Variants in JMY observed in about 807,000 individuals in gnomAD.
The protein encoded by JMY is junction-mediating and -regulatory protein.
In JMY, 46 loss-of-function variants were observed where a neutral mutation model predicts 103.3. The ratio of observed to expected loss-of-function variants is 0.45; its 90% CI spans 0.35 to 0.57. JMY has a LOEUF of 0.57. JMY is among the 20% of genes least tolerant of loss of function. The probability of loss-of-function intolerance (pLI) is 0.00; values close to 1 mark genes in which losing one functional copy is unlikely to be tolerated. For synonymous variants in JMY, 526 were observed against 489.3 expected, an observed-to-expected ratio of 1.07 and a Z score of -0.99; for missense variants, 1,238 against 1,255.2, an observed-to-expected ratio of 0.99 and a Z score of 0.21.
At chr5:79,285,713 G>A (rs1280642418) in intron 2 of JMY, among the ~76,000 whole-genome samples, 2 of 152,116 alleles carry the variant, frequency 1.3e-5, no homozygotes, top group Non-Finnish European at 2.9e-5. Context: ...GGCAACTCCA[G>A]GGTCTGGAAT....
In JMY at chr5:79,312,363, G is replaced by A. The variant is rs188382085; in HGVS notation, c.1969-40G>A. On this transcript the variant is annotated intron_variant, in intron 7 of 10. Transcript: ENST00000396137. ...TTTTTTCCTATTAATGATAAAAATT[G>A]GGACACAGCATAATGGAATTATTAT... The A allele has an allele frequency of 6.2e-5, 73 of 1,176,432 alleles. 1 individual carries two copies. In the Admixed American group the frequency reaches 7.5e-4, roughly 12 times the overall value. 72.9% of individuals were successfully genotyped at this position (1,176,432 alleles called of 1,614,324 possible). A position where few individuals can be genotyped will look rare whatever the true frequency, so the allele number is the denominator to read the frequency against.
chr5:79,283,178 A>AG (rs978716776), intron 2 of JMY, among the ~76,000 whole-genome samples: 2 of 151,838 alleles, frequency 1.3e-5, no homozygotes, highest in African/African-American at 4.8e-5. Flanking sequence ...TTTTTAGTAG[A>AG]GGGGGGTTTC....
intron 8 of JMY, among the ~76,000 whole-genome samples, chr5:79,313,027 A>G (rs1034022601): frequency 3.3e-5 from 5 of 152,154 alleles, no homozygotes; most frequent in Non-Finnish European, 1.5e-5. Flanking sequence ...TCATTTTTAA[A>G]GTACTCTGGA....
intron 1 of JMY, among the ~76,000 whole-genome samples, chr5:79,255,099 C>T (rs183908603): frequency 1.3e-5 from 2 of 149,268 alleles, no homozygotes; most frequent in African/African-American, 5.0e-5. Context: ...TTTGAATTCT[C>T]TGTCTGAAAG....
chr5:79,239,002 GTGT>G (rs1167018168), intron 1 of JMY, among the ~76,000 whole-genome samples: 1 of 152,120 alleles, frequency 6.6e-6, no homozygotes, highest in Non-Finnish European at 1.5e-5. Flanking sequence ...TCCTAAGATT[GTGT>G]TGTTATCTGC....
At chr5:79,301,014 GC>G in intron 6 of JMY, 151 bp downstream of exon 6, 1 of 617,766 alleles carries the variant, frequency 1.6e-6, no homozygotes, top group East Asian at 3.1e-5. Context: ...TCTGAGAATT[GC>G]CCTCTTAAAC....
Position 79,327,121 on chromosome 5 carries a change from CTTG to C in JMY, c.*5524_*5526del, listed in dbSNP as rs779857654. On this transcript the variant is annotated 3_prime_UTR_variant, in exon 11 of 11. Coordinates refer to ENST00000396137, the MANE Select transcript of JMY (RefSeq NM_152405.5). ...CACCAAGTATTGCAATCACCTTTCT[CTTG>C]TTGTACATGCAATGTAACAACCTAC... is the stretch of plus-strand genomic sequence containing the variant. 4 of 152,176 alleles carry C rather than the reference CTTG, an allele frequency of 2.6e-5. No individual in the cohort carries two copies. In the South Asian group the frequency reaches 6.2e-4, roughly 24 times the overall value. 9.4% of individuals were successfully genotyped at this position (152,176 alleles called of 1,614,324 possible).
At chr5:79,278,183 A>T in intron 2 of JMY, 100 bp downstream of exon 2, 2 of 1,015,248 alleles carry the variant, frequency 2.0e-6, no homozygotes, top group Non-Finnish European at 2.8e-6. Flanking sequence ...AAAAAAAAAA[A>T]AAAAGAAGGT....
intron 1 of JMY, among the ~76,000 whole-genome samples, chr5:79,269,692 C>A (rs1036532773): frequency 2.6e-5 from 4 of 151,822 alleles, no homozygotes; most frequent in Non-Finnish European, 5.9e-5. Flanking sequence ...ATAGAAATAA[C>A]ATTTGGAATT....
chr5:79,255,915 C>T (rs1745230213), intron 1 of JMY, among the ~76,000 whole-genome samples: 1 of 152,244 alleles, frequency 6.6e-6, no homozygotes, highest in Admixed American at 6.5e-5. Flanking sequence ...CCCCCAAGGC[C>T]TGCTATAACC....
chr5:79,314,243 T>C lies in JMY; in HGVS notation c.2065-14T>C. 6.3e-7 allele frequency: 1 copy of C among 1,587,992 alleles called. No homozygotes were observed. The highest frequency in any genetic ancestry group is 8.5e-7 in the Non-Finnish European group (1 of 1,169,820). The stretch of plus-strand genomic sequence containing the variant: ...ATAACATTTAACCAGTTCCAATAAC[T>C]TCTGGTATTTTAGAGGTATCCTGGG... On this transcript the variant is annotated splice_polypyrimidine_tract_variant and intron_variant, in intron 8 of 10. Transcript: ENST00000396137.
intron 1 of JMY, among the ~76,000 whole-genome samples, chr5:79,252,337 GTT>G (rs71615515): frequency 1.3e-4 from 17 of 130,514 alleles, no homozygotes; most frequent in African/African-American, 3.1e-4. Flanking sequence ...TGATAGTCAG[GTT>G]TTTTTTTTTT....
intron 1 of JMY, among the ~76,000 whole-genome samples, chr5:79,259,642 G>T (rs888144917): frequency 1.3e-5 from 2 of 152,250 alleles, no homozygotes; most frequent in East Asian, 1.9e-4. Context: ...CCCAAAGTCC[G>T]CAGCAGGCTG....
At chr5:79,271,293 A>G (rs919032200) in intron 1 of JMY, among the ~76,000 whole-genome samples, 15 of 151,908 alleles carry the variant, frequency 9.9e-5, no homozygotes, top group Non-Finnish European at 1.8e-4. Flanking sequence ...AGGCTTTCCA[A>G]AGTGCTGGGG....
chr5:79,280,831 A>C (rs980091405), intron 2 of JMY, among the ~76,000 whole-genome samples: 10 of 147,442 alleles, frequency 6.8e-5, no homozygotes, highest in African/African-American at 2.5e-4. Context: ...CAGTACTCAA[A>C]TCAGGCATTT....
intron 1 of JMY, among the ~76,000 whole-genome samples, chr5:79,238,728 G>A (rs1400689494): frequency 2.1e-5 from 3 of 142,794 alleles, no homozygotes; most frequent in Non-Finnish European, 4.5e-5. Flanking sequence ...GCTCACTGCA[G>A]CCTCCCCCTC....
intron 4 of JMY, among the ~76,000 whole-genome samples, chr5:79,299,186 G>GT (rs1746656407): frequency 2.0e-5 from 3 of 152,154 alleles, no homozygotes; most frequent in Admixed American, 2.0e-4. Flanking sequence ...ACTGATGCCC[G>GT]TATCGGGGCT....
rs1233476451 is a variant in JMY at position 79,291,260 on chromosome 5, G to T, written c.1488G>T (p.Glu496Asp). 1 of 1,609,394 alleles carries T rather than the reference G, an allele frequency of 6.2e-7. No individual in the cohort carries two copies. Among genetic ancestry groups the T allele is most frequent in the Non-Finnish European group, 8.5e-7 (1 of 1,178,396 alleles). The change falls in exon 4 of 11, where the codon GAG becomes GAT. Residue 496 changes from glutamate to aspartate, a missense_variant. Transcript: ENST00000396137. ...KETLQMMRAK[E>D]ICLEQRKHAL... ...CTTTGCAGATGATGAGAGCTAAAGA[G>T]ATATGCTTGGAACAGCGGAAACATG...
In JMY at chr5:79,316,190, A is replaced by G. The variant is rs199955158; in HGVS notation, c.2850A>G (p.Leu950=). 608 of 1,614,124 alleles carry G rather than the reference A, an allele frequency of 3.8e-4. No individual in the cohort carries two copies. The highest frequency in any genetic ancestry group is 4.9e-4 in the Non-Finnish European group (584 of 1,179,972). Residue 950 remains leucine, a synonymous_variant, in exon 10 of 11, where the codon CTA becomes CTG. Coordinates refer to ENST00000396137, the MANE Select transcript of JMY (RefSeq NM_152405.5). ...KDVLRESFTL[L]PDTDPLTRSI... Reference sequence around the variant, plus strand: ...TTTTGAGAGAATCCTTCACACTTCTACCCGATACAGACCCTCTAACACGGA... The same window carrying G: ...TTTTGAGAGAATCCTTCACACTTCTGCCCGATACAGACCCTCTAACACGGA...
Sources: gnomAD v4.1 joint callset for allele counts (sites outside exome capture counted in the v4.1 genomes callset) on GRCh38, gnomAD v4.1.1 for gene constraint, MANE v1.5 for transcripts, NCBI Gene and HGNC (gene_info 2026-07-23, HGNC 2026-07-21) for gene names.